SCP2: variants seen among roughly 807,000 people sequenced by gnomAD.
SCP2 encodes the protein sterol carrier protein 2.
Under a neutral mutation model 71.4 loss-of-function variants are expected in SCP2, and 48 were observed. That is an observed-to-expected ratio of 0.67 (90% CI 0.53 to 0.86). The LOEUF (loss-of-function observed/expected upper bound fraction) is 0.86, where lower values mean the gene tolerates loss of function less well. SCP2 is among the 40% of genes least tolerant of loss of function. The pLI, the probability that SCP2 is intolerant of heterozygous loss-of-function variation, is 0.00. For synonymous variants in SCP2, 220 were observed against 218.1 expected (o/e 1.01, Z -0.08); for missense variants, 560 against 655.6 (o/e 0.85, Z 1.59).
chr1:52,959,239 A>G (rs531493076), intron 5 of SCP2, among the ~76,000 whole-genome samples: 14 of 151,396 alleles, frequency 9.2e-5, no homozygotes, highest in African/African-American at 3.2e-4. Context: ...CTTGTTGCCC[A>G]AGCTGGAGTA....
chr1:52,995,746 T>A, intron 11 of SCP2: 1 of 774,754 alleles, frequency 1.3e-6, no homozygotes, highest in Non-Finnish European at 2.4e-6. Context: ...TCAAGACAGC[T>A]GTCTGTGACA....
intron 1 of SCP2, among the ~76,000 whole-genome samples, chr1:52,930,697 G>GA (rs1302503695): frequency 6.6e-6 from 1 of 152,032 alleles, no homozygotes; most frequent in Non-Finnish European, 1.5e-5. Flanking sequence ...ATTTCAGTTT[G>GA]AAAAATATTA....
At position 52,950,900 on chromosome 1, in the gene SCP2, G is replaced by C. The variant is rs1231816340; in HGVS notation, c.331+14G>C. 6.2e-7 allele frequency: 1 copy of C among 1,612,962 alleles called. No individual in the cohort carries two copies. ...TGATTCAGGGTGGTAAGGAGTGCTT[G>C]TCTAGTGTACTTAAATATTGCCCCA... is the stretch of plus-strand genomic sequence containing the variant. On this transcript the variant is annotated intron_variant, in intron 4 of 15. Transcript: ENST00000371514.
At chr1:52,958,183 A>G (rs989824320) in intron 5 of SCP2, among the ~76,000 whole-genome samples, 5 of 151,110 alleles carry the variant, frequency 3.3e-5, no homozygotes, top group African/African-American at 1.2e-4. Flanking sequence ...AGCTTTAGGT[A>G]ACTCTTAAAA....
chr1:52,974,968 C>G, intron 7 of SCP2, 136 bp downstream of exon 7: 1 of 648,972 alleles, frequency 1.5e-6, no homozygotes, highest in Non-Finnish European at 2.8e-6. Flanking sequence ...TTACAAAAGG[C>G]TTATACGCAA....
chr1:53,050,781 T>C lies in SCP2; in HGVS notation c.*77T>C. On this transcript the variant is annotated 3_prime_UTR_variant, in exon 16 of 16. Transcript: ENST00000371514. ...ATCCATACATTTTATTGTCAGAATT[T>C]AGACTGAAACTACACATTGGCAAAT... 1 of 1,041,688 alleles carries C rather than the reference T, an allele frequency of 9.6e-7. No homozygotes were observed. Among genetic ancestry groups the C allele is most frequent in the Non-Finnish European group, 1.5e-6 (1 of 666,806 alleles). The allele number at this position is 1,041,688 out of a possible 1,614,324, so 64.5% of individuals were successfully genotyped here.
chr1:52,951,765 G>A (rs1476745376), intron 4 of SCP2, among the ~76,000 whole-genome samples: 2 of 151,132 alleles, frequency 1.3e-5, no homozygotes, highest in East Asian at 3.9e-4. Flanking sequence ...TGCCCAGACT[G>A]GAGTGCCGTT....
chr1:52,992,567 G>A (rs1055316871), intron 11 of SCP2, among the ~76,000 whole-genome samples: 2 of 152,106 alleles, frequency 1.3e-5, no homozygotes, highest in Non-Finnish European at 2.9e-5. Context: ...ATTTGACCAC[G>A]TAGAATATTA....
intron 1 of SCP2, among the ~76,000 whole-genome samples, chr1:52,935,221 G>GC (rs1173333655): frequency 2.0e-5 from 3 of 151,418 alleles, no homozygotes; most frequent in Middle Eastern, 3.4e-3. Context: ...AGCCGAGATC[G>GC]CCCCATTGCA....
chr1:52,976,708 A>G lies in SCP2; in HGVS notation c.613A>G (p.Ser205Gly), dbSNP rs931185563. The change falls in exon 8 of 16, where the codon AGT becomes GGT. Residue 205 changes from serine to glycine, a missense_variant. Ser to Gly is a moderately conservative substitution (Grantham distance 56). Coordinates refer to ENST00000371514, the MANE Select transcript of SCP2 (RefSeq NM_002979.5). ...GTATTCCCAGTTCCAAGATGAATAC[A>G]GTTTAGATGAAGTGATGGCATCTAA... ...NPYSQFQDEY[S>G]LDEVMASKEV... is the part of the protein sequence containing the mutation. 1.3e-6 allele frequency: 2 copies of G among 1,562,052 alleles called. No individual in the cohort carries two copies. Among genetic ancestry groups the G allele is most frequent in the African/African-American group, 1.4e-5 (1 of 73,558 alleles).
At chr1:53,021,207 C>A (rs551662858) in intron 12 of SCP2, among the ~76,000 whole-genome samples, 1 of 152,140 alleles carries the variant, frequency 6.6e-6, no homozygotes, top group African/African-American at 2.4e-5. Flanking sequence ...TAGGGTTTCA[C>A]CATGTCGCCC....
intron 6 of SCP2, among the ~76,000 whole-genome samples, chr1:52,968,290 TGATGA>T (rs1657159530): frequency 6.6e-6 from 1 of 152,152 alleles, no homozygotes; most frequent in Non-Finnish European, 1.5e-5. Context: ...CCTTTTCCCT[TGATGA>T]AATTAGCTGG....
chr1:52,993,291 C>G (rs750043013), intron 11 of SCP2: 1 of 1,614,158 alleles, frequency 6.2e-7, no homozygotes, highest in Non-Finnish European at 8.5e-7. Flanking sequence ...TTCCTGATAA[C>G]CCGGACAAGT....
rs141752918 is a variant in SCP2, at chr1:53,040,520, T to A, written c.1468+1474T>A. ...TGAGCCACTCCCTAACCACCCTTTT[T>A]AAAATCTTAACCCCACGGTGAAACC... is the stretch of plus-strand genomic sequence containing the variant. On this transcript the variant is annotated intron_variant, in intron 14 of 15. Transcript: ENST00000371514. Among the ~76,000 whole-genome samples, 4 of 152,230 alleles carry A rather than the reference T, an allele frequency of 2.6e-5. No homozygotes were observed. In the East Asian group the frequency reaches 5.8e-4, roughly 22 times the overall value.
chr1:53,044,672 A>T (rs1176657903), intron 14 of SCP2, among the ~76,000 whole-genome samples: 2 of 152,210 alleles, frequency 1.3e-5, no homozygotes, highest in Non-Finnish European at 2.9e-5. Context: ...AATTTGAGCT[A>T]ATTCTTAATG....
At chr1:53,031,273 C>T (rs1295193325) in intron 13 of SCP2, among the ~76,000 whole-genome samples, 2 of 152,118 alleles carry the variant, frequency 1.3e-5, no homozygotes, top group East Asian at 3.9e-4. Context: ...ATTCTTTTAG[C>T]TTTGCAAATG....
intron 11 of SCP2, among the ~76,000 whole-genome samples, chr1:52,996,254 C>T (rs1659933116): frequency 1.3e-5 from 2 of 152,190 alleles, no homozygotes; most frequent in East Asian, 3.9e-4. Context: ...CCCTGTATTT[C>T]CTTCTGGTGC....
chr1:52,992,999 C>T (rs1456458998), intron 11 of SCP2, among the ~76,000 whole-genome samples: 3 of 152,124 alleles, frequency 2.0e-5, no homozygotes, highest in Non-Finnish European at 4.4e-5. Context: ...TTGAAGCAGC[C>T]TTAGTGTTTC....
At chr1:52,994,536 AT>A in intron 11 of SCP2, 1 of 209,804 alleles carries the variant, frequency 4.8e-6, no homozygotes. Context: ...TTTAGATCTA[AT>A]TTTTATACAA....
Sources: gnomAD v4.1 joint callset for allele counts (sites outside exome capture counted in the v4.1 genomes callset) on GRCh38, gnomAD v4.1.1 for gene constraint, MANE v1.5 for transcripts, NCBI Gene and HGNC (gene_info 2026-07-23, HGNC 2026-07-21) for gene names.